DYM: variants seen among roughly 807,000 people sequenced by gnomAD.
DYM encodes the protein dyggve-Melchior-Clausen syndrome protein.
In DYM, 78 loss-of-function variants were observed where a neutral mutation model predicts 93.1. The ratio of observed to expected loss-of-function variants is 0.84; its 90% CI spans 0.70 to 1.01. The LOEUF (loss-of-function observed/expected upper bound fraction) is 1.01, where lower values mean the gene tolerates loss of function less well. DYM is among the 50% of genes least tolerant of loss of function. The pLI is 0.00. For synonymous variants in DYM, 321 were observed against 319.7 expected (o/e 1.00, Z -0.04); for missense variants, 789 against 845.0 (o/e 0.93, Z 0.82).
intron 5 of DYM, among the ~76,000 whole-genome samples, chr18:49,365,268 C>T (rs573345004): frequency 1.3e-5 from 2 of 152,098 alleles, no homozygotes; most frequent in Non-Finnish European, 2.9e-5. Context: ...ACAGTAACCC[C>T]GTGAGAGGTA....
At chr18:49,233,869 G>C (rs1428232094) in intron 13 of DYM, among the ~76,000 whole-genome samples, 2 of 152,148 alleles carry the variant, frequency 1.3e-5, no homozygotes, top group Non-Finnish European at 2.9e-5. Context: ...GCTCACACCT[G>C]TAATCCCAGC....
At chr18:49,156,562 T>C (rs1600208135) in intron 15 of DYM, among the ~76,000 whole-genome samples, 2 of 151,856 alleles carry the variant, frequency 1.3e-5, no homozygotes, top group African/African-American at 4.8e-5. Context: ...TGAGACCCTG[T>C]CTCTACTAAA....
At chr18:49,061,650 C>T (rs911671653) in intron 17 of DYM, among the ~76,000 whole-genome samples, 2 of 152,098 alleles carry the variant, frequency 1.3e-5, no homozygotes, top group African/African-American at 4.8e-5. Context: ...AGGGTCTAGG[C>T]GATGGGGGCT....
chr18:49,244,775 G>A (rs936365926), intron 13 of DYM, among the ~76,000 whole-genome samples: 3 of 152,182 alleles, frequency 2.0e-5, no homozygotes, highest in African/African-American at 7.2e-5. Context: ...TATAGAGCCA[G>A]TAGATTTTAA....
intron 1 of DYM, among the ~76,000 whole-genome samples, chr18:49,449,543 C>G (rs1006922680): frequency 1.3e-5 from 2 of 152,136 alleles, no homozygotes; most frequent in African/African-American, 4.8e-5. Flanking sequence ...GTTAATTTCC[C>G]CAAACCTTAA....
rs117111821 is a variant in DYM at position 49,407,049 on chromosome 18, C to T, written c.141-15404G>A. Among the ~76,000 whole-genome samples the T allele has an allele frequency of 3.5e-3, 526 of 152,296 alleles. 1 individual carries two copies. Among genetic ancestry groups the T allele is most frequent in the Non-Finnish European group, 5.7e-3 (391 of 68,022 alleles). On this transcript the variant is annotated intron_variant, in intron 2 of 17. Coordinates refer to ENST00000675505, the MANE Select transcript of DYM (RefSeq NM_001353214.3). ...GAACAAGTGAGATCCATAACAACTT[C>T]AATGGATTTCAAGACACTATGCTGA...
chr18:49,088,060 T>C (rs1368963904), intron 17 of DYM, among the ~76,000 whole-genome samples: 1 of 152,044 alleles, frequency 6.6e-6, no homozygotes, highest in Non-Finnish European at 1.5e-5. Context: ...TCCCATTCTG[T>C]AGGTTGCCTG....
In DYM at chr18:49,037,182, C is replaced by T. The variant is rs1280296013; in HGVS notation, c.*6873G>A. ...GATTACACATGTGAGCCAACATGCC[C>T]AGCCAATGAGTCCTCTTAATCCTTT... On this transcript the variant is annotated 3_prime_UTR_variant, in exon 18 of 18. Transcript: ENST00000675505. Among the ~76,000 whole-genome samples, 4 of 152,160 alleles carry T rather than the reference C, an allele frequency of 2.6e-5. No homozygotes were observed. The highest frequency in any genetic ancestry group is 9.7e-5 in the African/African-American group (4 of 41,430).
At chr18:49,353,570 T>A (rs1002845240) in intron 6 of DYM, among the ~76,000 whole-genome samples, 3 of 151,948 alleles carry the variant, frequency 2.0e-5, no homozygotes, top group African/African-American at 7.2e-5. Context: ...AATGATAATT[T>A]AAATATAATA....
At chr18:49,144,927 C>T (rs1228477336) in intron 15 of DYM, among the ~76,000 whole-genome samples, 1 of 150,948 alleles carries the variant, frequency 6.6e-6, no homozygotes, top group East Asian at 1.9e-4. Flanking sequence ...TGGGACCCTG[C>T]TGCATTTACA....
At chr18:49,430,202 A>C (rs2074677923) in intron 2 of DYM, 53 bp downstream of exon 2, 8 of 1,562,336 alleles carry the variant, frequency 5.1e-6, no homozygotes, top group Non-Finnish European at 4.4e-6. Context: ...AGCATACCAC[A>C]CAAGTTGATA....
At chr18:49,236,909 C>T (rs920366915) in intron 13 of DYM, among the ~76,000 whole-genome samples, 8 of 152,182 alleles carry the variant, frequency 5.3e-5, no homozygotes, top group Admixed American at 1.3e-4. Flanking sequence ...CTTGCTCCTG[C>T]TAGACTTTCA....
intron 1 of DYM, among the ~76,000 whole-genome samples, chr18:49,445,141 G>A (rs548498397): frequency 7.2e-5 from 11 of 152,178 alleles, no homozygotes; most frequent in Admixed American, 2.6e-4. Context: ...CTCTTGTTAT[G>A]TAAGTACTTA....
intron 1 of DYM, among the ~76,000 whole-genome samples, chr18:49,441,261 A>AT (rs2081532476): frequency 2.7e-5 from 1 of 36,438 alleles, no homozygotes; most frequent in African/African-American, 1.1e-4. Flanking sequence ...GTTATATATA[A>AT]TTATATAATA....
chr18:49,139,901 C>A (rs540053455), intron 15 of DYM, among the ~76,000 whole-genome samples: 4 of 152,074 alleles, frequency 2.6e-5, no homozygotes, highest in Non-Finnish European at 5.9e-5. Context: ...TGCTTCTCTT[C>A]TTTTCTTTCT....
At chr18:49,046,589 T>G (rs532959715) in intron 17 of DYM, among the ~76,000 whole-genome samples, 4 of 151,820 alleles carry the variant, frequency 2.6e-5, no homozygotes, top group African/African-American at 9.7e-5. Context: ...TAAAATAACA[T>G]TTACAGTGAT....
At chr18:49,107,700 A>T (rs1039977124) in intron 16 of DYM, among the ~76,000 whole-genome samples, 7 of 152,224 alleles carry the variant, frequency 4.6e-5, no homozygotes, top group African/African-American at 1.4e-4. Context: ...GGGTATCAGC[A>T]GCGGAGGCTA....
chr18:49,373,881 C>G (rs2067258114), intron 5 of DYM, among the ~76,000 whole-genome samples: 1 of 152,068 alleles, frequency 6.6e-6, no homozygotes. Context: ...TGCAACTTAC[C>G]AAGCAGAACT....
At chr18:49,052,050 A>C (rs2072509821) in intron 17 of DYM, among the ~76,000 whole-genome samples, 1 of 152,210 alleles carries the variant, frequency 6.6e-6, no homozygotes, top group Non-Finnish European at 1.5e-5. Context: ...AAAGATTCAG[A>C]AAGGGTAATC....
Sources: gnomAD v4.1 joint callset for allele counts (sites outside exome capture counted in the v4.1 genomes callset) on GRCh38, gnomAD v4.1.1 for gene constraint, MANE v1.5 for transcripts, NCBI Gene and HGNC (gene_info 2026-07-23, HGNC 2026-07-21) for gene names.